The following AGK variants were observed in gnomAD, a reference collection of about 807,000 sequenced individuals.
AGK encodes the protein acylglycerol kinase.
A neutral mutation model predicts 66.4 loss-of-function variants in AGK; 52 were observed. The observed-to-expected ratio is 0.78, with a 90% confidence interval of 0.63 to 0.99. The LOEUF is 0.99. AGK is among the 50% of genes least tolerant of loss of function. The pLI, the probability that AGK is intolerant of heterozygous loss-of-function variation, is 0.00. For missense variants in AGK, 451 were observed against 506.6 expected (o/e 0.89, Z 1.05); for synonymous variants, 182 against 181.1 (o/e 1.00, Z -0.04).
intron 2 of AGK, chr7:141,562,078 G>GTAGA (rs926400722): frequency 3.3e-5 from 15 of 456,182 alleles, no homozygotes; most frequent in Non-Finnish European, 6.2e-5. Context: ...GGGGAATGAT[G>GTAGA]TAGACTCTGT....
intron 3 of AGK, among the ~76,000 whole-genome samples, chr7:141,595,313 A>C (rs1796205839): frequency 6.6e-6 from 1 of 152,226 alleles, no homozygotes; most frequent in Admixed American, 6.5e-5. Flanking sequence ...GAAATAGTAT[A>C]GATAGAAAAA....
intron 9 of AGK, among the ~76,000 whole-genome samples, chr7:141,625,196 T>C (rs1331003406): frequency 6.6e-6 from 1 of 152,220 alleles, no homozygotes; most frequent in Admixed American, 6.5e-5. Flanking sequence ...TTATATGCAC[T>C]GGAAAACCAA....
At chr7:141,610,910 C>G (rs1298740167) in intron 5 of AGK, among the ~76,000 whole-genome samples, 3 of 152,256 alleles carry the variant, frequency 2.0e-5, no homozygotes, top group African/African-American at 7.2e-5. Context: ...GAAATGATGC[C>G]CTTGACTAGC....
At chr7:141,563,107 T>G (rs185437804) in intron 2 of AGK, among the ~76,000 whole-genome samples, 1,671 of 152,344 alleles carry the variant, frequency 0.011, 24 homozygotes, top group African/African-American at 0.038. Flanking sequence ...TGCAACAGTG[T>G]GTTGCTTCTT....
intron 13 of AGK, among the ~76,000 whole-genome samples, chr7:141,642,378 C>T (rs944608176): frequency 6.6e-5 from 10 of 152,120 alleles, no homozygotes; most frequent in African/African-American, 2.4e-4. Context: ...TATGCACTAT[C>T]CCATACGGTA....
At chr7:141,587,713 G>C (rs1796022911) in intron 2 of AGK, among the ~76,000 whole-genome samples, 1 of 152,084 alleles carries the variant, frequency 6.6e-6, no homozygotes, top group Non-Finnish European at 1.5e-5. Context: ...TCAAAACTAG[G>C]TTAGATGCCC....
Position 141,641,248 on chromosome 7 carries a change from G to C in AGK, c.727G>C (p.Glu243Gln). The change falls in exon 12 of 16, where the codon GAG becomes CAG. Residue 243 changes from glutamate to glutamine, a missense_variant and splice_region_variant. Glu to Gln is a conservative substitution (Grantham distance 29, BLOSUM62 2). Transcript: ENST00000649286. ...KAAHFFSTLK[E>Q]WPQTHQASIS... ...AATTTTTCTCTCTCCACATTAAAAG[G>C]AGTGGCCTCAGACTCATCAAGCCTC... 14 of 1,598,784 alleles carry C rather than the reference G, an allele frequency of 8.8e-6. No individual in the cohort carries two copies. Among genetic ancestry groups the C allele is most frequent in the Non-Finnish European group, 9.4e-6 (11 of 1,176,218 alleles).
chr7:141,605,879 C>T (rs1461900205), intron 5 of AGK, among the ~76,000 whole-genome samples: 2 of 152,194 alleles, frequency 1.3e-5, no homozygotes, highest in Non-Finnish European at 2.9e-5. Flanking sequence ...CAACCTATTT[C>T]ATCTTAGGAT....
At chr7:141,582,011 C>T (rs543540588) in intron 2 of AGK, among the ~76,000 whole-genome samples, 3 of 152,098 alleles carry the variant, frequency 2.0e-5, no homozygotes, top group Admixed American at 6.5e-5. Flanking sequence ...ACGGACTTAC[C>T]GTCCACTCTG....
intron 6 of AGK, among the ~76,000 whole-genome samples, chr7:141,613,266 G>T (rs769194425): frequency 6.6e-6 from 1 of 152,146 alleles, no homozygotes; most frequent in Non-Finnish European, 1.5e-5. Flanking sequence ...ATAAAAATAT[G>T]CACTGATTAG....
intron 2 of AGK, among the ~76,000 whole-genome samples, chr7:141,582,572 G>A (rs1238933947): frequency 6.6e-6 from 1 of 151,966 alleles, no homozygotes; most frequent in East Asian, 1.9e-4. Flanking sequence ...GGGCTGTAAA[G>A]CATCTAAGGG....
chr7:141,635,841 T>C (rs1250992487), intron 10 of AGK, among the ~76,000 whole-genome samples: 1 of 152,208 alleles, frequency 6.6e-6, no homozygotes, highest in African/African-American at 2.4e-5. Flanking sequence ...CTTATAGTCA[T>C]TCATTGTTTG....
intron 3 of AGK, among the ~76,000 whole-genome samples, chr7:141,594,903 G>A (rs1316903678): frequency 6.6e-6 from 1 of 151,998 alleles, no homozygotes. Flanking sequence ...CACTCGCCTT[G>A]GCCTCCCAAA....
chr7:141,572,803 T>TA (rs574583901), intron 2 of AGK, among the ~76,000 whole-genome samples: 1 of 151,098 alleles, frequency 6.6e-6, no homozygotes, highest in Non-Finnish European at 1.5e-5. Flanking sequence ...CGACAGGCTA[T>TA]GGGGGGGGGA....
At position 141,596,554 on chromosome 7, in the gene AGK, T is replaced by A. The variant is rs758001507; in HGVS notation, c.142-8T>A. ...TTTTACTGAAAACTTTGCTCTTTTC[T>A]TTTTTAGGTGTTTGGCAATCAACTC... On this transcript the variant is annotated splice_region_variant and splice_polypyrimidine_tract_variant and intron_variant, in intron 3 of 15. Transcript: ENST00000649286. 9 of 1,613,244 alleles carry A rather than the reference T, an allele frequency of 5.6e-6. No individual in the cohort carries two copies. The highest frequency in any genetic ancestry group is 5.9e-6 in the Non-Finnish European group (7 of 1,179,378).
chr7:141,641,975 T>C, intron 13 of AGK, 67 bp downstream of exon 13: 1 of 1,271,130 alleles, frequency 7.9e-7, no homozygotes, highest in Middle Eastern at 1.8e-4. Flanking sequence ...TATAGTCCTC[T>C]CCCACTAATT....
intron 4 of AGK, among the ~76,000 whole-genome samples, chr7:141,599,984 T>A (rs1277835412): frequency 6.6e-6 from 1 of 152,182 alleles, no homozygotes; most frequent in Non-Finnish European, 1.5e-5. Context: ...ATTTGGTGGT[T>A]CTTTTTAGTT....
At chr7:141,591,449 T>A (rs1394268786) in intron 2 of AGK, among the ~76,000 whole-genome samples, 1 of 152,106 alleles carries the variant, frequency 6.6e-6, no homozygotes, top group African/African-American at 2.4e-5. Flanking sequence ...TGGATGGTGT[T>A]CTCTTAGTGA....
intron 2 of AGK, among the ~76,000 whole-genome samples, chr7:141,589,287 G>C (rs1407668974): frequency 6.6e-6 from 1 of 152,130 alleles, no homozygotes; most frequent in African/African-American, 2.4e-5. Flanking sequence ...AAAGATTAAA[G>C]GTTTATGAAA....
Sources: allele counts gnomAD v4.1 joint callset (sites outside exome capture counted in the v4.1 genomes callset), GRCh38; gene constraint gnomAD v4.1.1; transcripts MANE v1.5; gene names NCBI Gene and HGNC (gene_info 2026-07-23, HGNC 2026-07-21).